Variants in MAGI2 observed in about 807,000 individuals in gnomAD.
MAGI2 encodes membrane-associated guanylate kinase, WW and PDZ domain-containing protein 2.
Under a neutral mutation model 133.3 loss-of-function variants are expected in MAGI2, and 35 were observed. The ratio of observed to expected loss-of-function variants is 0.26; its 90% CI spans 0.20 to 0.35. MAGI2 has a LOEUF of 0.35. Among genes scored for constraint, MAGI2 ranks in the 10% least tolerant of loss-of-function variants. The pLI is 1.00. For missense variants in MAGI2, 1,636 were observed against 1,863.4 expected (o/e 0.88, Z 2.25); for synonymous variants, 729 against 710.6 (o/e 1.03, Z -0.41).
intron 3 of MAGI2, among the ~76,000 whole-genome samples, chr7:78,571,912 G>A (rs1300905931): frequency 1.3e-5 from 2 of 151,896 alleles, no homozygotes; most frequent in African/African-American, 4.8e-5. Context: ...TGTAGACATG[G>A]GCTCTTTCCA....
intron 1 of MAGI2, among the ~76,000 whole-genome samples, chr7:79,026,177 A>C (rs1262219257): frequency 6.6e-6 from 1 of 152,188 alleles, no homozygotes; most frequent in Non-Finnish European, 1.5e-5. Flanking sequence ...AGAATACATA[A>C]TTAATCAAAT....
chr7:79,336,267 C>A (rs1435445537), intron 1 of MAGI2, among the ~76,000 whole-genome samples: 1 of 152,018 alleles, frequency 6.6e-6, no homozygotes, highest in Non-Finnish European at 1.5e-5. Context: ...GCATGTCTAA[C>A]GTCACACTAC....
chr7:78,967,703 C>T (rs1401848866), intron 2 of MAGI2, among the ~76,000 whole-genome samples: 1 of 151,890 alleles, frequency 6.6e-6, no homozygotes, highest in South Asian at 2.1e-4. Flanking sequence ...GTTAAACAGA[C>T]TGTCCTTCCC....
intron 21 of MAGI2, among the ~76,000 whole-genome samples, chr7:78,070,196 TATATATATATATATATATATATACACAC>T (rs1466126140): frequency 3.0e-5 from 1 of 32,984 alleles, no homozygotes; most frequent in Admixed American, 3.9e-4. Flanking sequence ...TATATATATA[TATATATATATATATATATATATACACAC>T]ACACACACAG....
chr7:78,658,520 G>A (rs545857689), intron 2 of MAGI2, among the ~76,000 whole-genome samples: 1 of 152,090 alleles, frequency 6.6e-6, no homozygotes, highest in Non-Finnish European at 1.5e-5. Flanking sequence ...ACTCTGTTAA[G>A]AGCACGAAAA....
chr7:78,500,527 A>T (rs1794528475), intron 5 of MAGI2, among the ~76,000 whole-genome samples: 1 of 152,188 alleles, frequency 6.6e-6, no homozygotes, highest in African/African-American at 2.4e-5. Flanking sequence ...GGAATTTTTA[A>T]AAAGTTGTTT....
At chr7:79,190,257 AT>A (rs1827536017) in intron 1 of MAGI2, among the ~76,000 whole-genome samples, 1 of 151,820 alleles carries the variant, frequency 6.6e-6, no homozygotes, top group African/African-American at 2.4e-5. Context: ...GTGGATGAGA[AT>A]TTCTGTTGCT....
chr7:79,355,349 AAAC>A (rs1723460751), intron 1 of MAGI2, among the ~76,000 whole-genome samples: 2 of 109,978 alleles, frequency 1.8e-5, no homozygotes, highest in Admixed American at 2.0e-4. Context: ...ACAAACAAAA[AAAC>A]AAACAAAAAC....
At chr7:78,262,744 C>A (rs1427286680) in intron 9 of MAGI2, among the ~76,000 whole-genome samples, 1 of 152,172 alleles carries the variant, frequency 6.6e-6, no homozygotes, top group Non-Finnish European at 1.5e-5. Context: ...ACCAGATGAT[C>A]TTGAAAGTAT....
At chr7:79,322,987 C>T (rs1046234654) in intron 1 of MAGI2, among the ~76,000 whole-genome samples, 1 of 152,058 alleles carries the variant, frequency 6.6e-6, no homozygotes, top group Admixed American at 6.6e-5. Context: ...TGCACGCATG[C>T]ACCATTACTC....
intron 3 of MAGI2, among the ~76,000 whole-genome samples, chr7:78,606,861 A>G (rs530240780): frequency 6.6e-6 from 1 of 152,124 alleles, no homozygotes; most frequent in East Asian, 1.9e-4. Flanking sequence ...CTTTCTGTGT[A>G]TCTGTTTTTC....
chr7:78,060,993 C>T (rs1035487828), intron 21 of MAGI2, among the ~76,000 whole-genome samples: 1 of 151,888 alleles, frequency 6.6e-6, no homozygotes, highest in African/African-American at 2.4e-5. Context: ...TGGTGAAACC[C>T]TGTCTCTATT....
At chr7:79,090,978 A>G (rs1036019014) in intron 1 of MAGI2, among the ~76,000 whole-genome samples, 3 of 125,900 alleles carry the variant, frequency 2.4e-5, no homozygotes, top group African/African-American at 9.1e-5. Context: ...CCATTATGGT[A>G]TTAAGATTTA....
intron 2 of MAGI2, among the ~76,000 whole-genome samples, chr7:78,704,026 G>A (rs1372108184): frequency 2.0e-5 from 3 of 152,022 alleles, no homozygotes; most frequent in Admixed American, 6.6e-5. Flanking sequence ...AAGATTTCAC[G>A]ACAAAGATGC....
intron 20 of MAGI2, 89 bp downstream of exon 20, chr7:78,125,605 G>T (rs529638011): frequency 2.8e-6 from 4 of 1,404,188 alleles, no homozygotes; most frequent in Non-Finnish European, 2.9e-6. Flanking sequence ...CAGCAACCCC[G>T]CTTGACAGCA....
intron 12 of MAGI2, among the ~76,000 whole-genome samples, chr7:78,191,763 C>G (rs1828235027): frequency 6.6e-6 from 1 of 152,164 alleles, no homozygotes; most frequent in Admixed American, 6.5e-5. Flanking sequence ...CTGTCATGTT[C>G]TGTTTCACGT....
chr7:79,226,189 G>T (rs1054982596), intron 1 of MAGI2, among the ~76,000 whole-genome samples: 3 of 152,122 alleles, frequency 2.0e-5, no homozygotes, highest in Non-Finnish European at 4.4e-5. Flanking sequence ...AAGAATGAAA[G>T]AATACATTTG....
chr7:78,857,327 T>C (rs973502541), intron 2 of MAGI2, among the ~76,000 whole-genome samples: 2 of 152,164 alleles, frequency 1.3e-5, no homozygotes, highest in South Asian at 4.1e-4. Flanking sequence ...CCCTGTCTTG[T>C]GCCAGTTTTC....
intron 6 of MAGI2, among the ~76,000 whole-genome samples, chr7:78,441,039 G>A (rs1314780843): frequency 1.3e-5 from 2 of 152,184 alleles, no homozygotes. Flanking sequence ...ACTTGAGGGA[G>A]ATATTTAGGT....
Sources: allele counts gnomAD v4.1 joint callset (sites outside exome capture counted in the v4.1 genomes callset), GRCh38; gene constraint gnomAD v4.1.1; transcripts MANE v1.5; gene names NCBI Gene and HGNC (gene_info 2026-07-23, HGNC 2026-07-21).